C7: variants seen among roughly 807,000 people sequenced by gnomAD.
C7 encodes the protein complement component C7.
Under a neutral mutation model 104.8 loss-of-function variants are expected in C7, and 83 were observed. That is an observed-to-expected ratio of 0.79 (90% CI 0.66 to 0.95). The LOEUF (loss-of-function observed/expected upper bound fraction) is 0.95, where lower values mean the gene tolerates loss of function less well. Among genes scored for constraint, C7 ranks in the 40% least tolerant of loss-of-function variants. The pLI, the probability that C7 is intolerant of heterozygous loss-of-function variation, is 0.00. For missense variants in C7, 1,070 were observed against 1,011.2 expected, an observed-to-expected ratio of 1.06 and a Z score of -0.79; for synonymous variants, 415 against 360.6, an observed-to-expected ratio of 1.15 and a Z score of -1.71.
chr5:40,945,584 C>T lies in C7; in HGVS notation c.738+216C>T, dbSNP rs147549997. ...AATATATTTATTTATACTGGCCAGGCACAGTGGTTCACGCCTATAATCCCA... is the reference window on the plus strand; with the variant it reads ...AATATATTTATTTATACTGGCCAGGTACAGTGGTTCACGCCTATAATCCCA... On this transcript the variant is annotated intron_variant, in intron 7 of 17. Coordinates refer to ENST00000313164, the MANE Select transcript of C7 (RefSeq NM_000587.4). Among the ~76,000 whole-genome samples, 47 of 152,148 alleles carry T rather than the reference C, an allele frequency of 3.1e-4. 1 individual carries two copies. The highest frequency in any genetic ancestry group is 1.0e-3 in the African/African-American group (43 of 41,526).
At chr5:40,911,519 G>A (rs1257170889) in intron 1 of C7, among the ~76,000 whole-genome samples, 1 of 152,200 alleles carries the variant, frequency 6.6e-6, no homozygotes, top group East Asian at 1.9e-4. Flanking sequence ...TGAGCTTGGG[G>A]CCTGTGAATC....
chr5:40,918,201 CA>C (rs1739358681), intron 1 of C7, among the ~76,000 whole-genome samples: 1 of 151,286 alleles, frequency 6.6e-6, no homozygotes. Flanking sequence ...ACAATAACTT[CA>C]AAAAAAATTA....
intron 1 of C7, among the ~76,000 whole-genome samples, chr5:40,923,917 AAC>A (rs1739496068): frequency 7.0e-6 from 1 of 142,724 alleles, no homozygotes; most frequent in African/African-American, 2.6e-5. Context: ...ATTACATTTC[AAC>A]ATGAGATTTG....
At chr5:40,916,218 G>C (rs1237723806) in intron 1 of C7, among the ~76,000 whole-genome samples, 1 of 152,120 alleles carries the variant, frequency 6.6e-6, no homozygotes, top group Non-Finnish European at 1.5e-5. Flanking sequence ...ATGCACATTT[G>C]ATTTTTCAAA....
chr5:40,982,577 A>G lies in C7; in HGVS notation c.*1004A>G, dbSNP rs1740974034. On this transcript the variant is annotated 3_prime_UTR_variant, in exon 18 of 18. Coordinates refer to ENST00000313164, the MANE Select transcript of C7 (RefSeq NM_000587.4). ...CTCTTTGGGGTTTTAGTATGTGTCA[A>G]ACATAGGACTGGAAGTTTGCCCCTG... is the stretch of plus-strand genomic sequence containing the variant. The G allele has an allele frequency of 6.6e-6, 1 of 152,366 alleles. No homozygotes were observed. The highest frequency in any genetic ancestry group is 1.5e-5 in the Non-Finnish European group (1 of 68,046). 9.4% of individuals were successfully genotyped at this position (152,366 alleles called of 1,614,324 possible).
intron 1 of C7, among the ~76,000 whole-genome samples, chr5:40,919,763 C>A (rs956235929): frequency 6.6e-6 from 1 of 151,552 alleles, no homozygotes; most frequent in African/African-American, 2.4e-5. Flanking sequence ...CTTTAGATAA[C>A]AAGATAAAAA....
rs1287692310 is a variant in C7, at chr5:40,982,972, AAGATTTTCAT to A, written c.*1400_*1409del. 2 of 152,334 alleles carry A rather than the reference AAGATTTTCAT, an allele frequency of 1.3e-5. No homozygotes were observed. Among genetic ancestry groups the A allele is most frequent in the Non-Finnish European group, 2.9e-5 (2 of 68,044 alleles). The allele number at this position is 152,334 out of a possible 1,614,324, so 9.4% of individuals were successfully genotyped here. ...ATTTGTATGATGTTTCATTTTAGAG[AAGATTTTCAT>A]GATGAATGGTTAATGTGTTCTTGCC... On this transcript the variant is annotated 3_prime_UTR_variant, in exon 18 of 18. Transcript: ENST00000313164.
chr5:40,972,563 T>C lies in C7; in HGVS notation c.2043T>C (p.Pro681=). Residue 681 remains proline (P), a synonymous_variant, in exon 15 of 18, where the codon CCT becomes CCC. Transcript: ENST00000313164. ...FLCGSSLKWS[P]EMKNARCVQK... Reference sequence around the variant, plus strand: ...GTGGCTCCAGCCTTAAGTGGAGTCCTGAGATGAAGAATGCCCGCTGTGTAC... The same window carrying C: ...GTGGCTCCAGCCTTAAGTGGAGTCCCGAGATGAAGAATGCCCGCTGTGTAC... 1 of 1,610,482 alleles carries C rather than the reference T, an allele frequency of 6.2e-7. No homozygotes were observed. The highest frequency in any genetic ancestry group is 8.5e-7 in the Non-Finnish European group (1 of 1,178,188).
intron 6 of C7, among the ~76,000 whole-genome samples, chr5:40,938,215 C>G (rs555026129): frequency 4.6e-5 from 7 of 152,120 alleles, no homozygotes; most frequent in Non-Finnish European, 1.0e-4. Flanking sequence ...GATCACATCC[C>G]TCTCACTCCT....
At chr5:40,924,465 A>G (rs1739509183) in intron 1 of C7, among the ~76,000 whole-genome samples, 1 of 152,288 alleles carries the variant, frequency 6.6e-6, no homozygotes, top group South Asian at 2.1e-4. Context: ...CTACTGGTGG[A>G]TCTGCCATTC....
intron 7 of C7, among the ~76,000 whole-genome samples, chr5:40,946,894 C>T (rs1195552907): frequency 6.6e-6 from 1 of 151,702 alleles, no homozygotes; most frequent in Non-Finnish European, 1.5e-5. Flanking sequence ...CCTACCTCTA[C>T]TAAAAATACA....
chr5:40,963,531 A>G (rs151235105), intron 13 of C7, among the ~76,000 whole-genome samples: 15 of 152,292 alleles, frequency 9.8e-5, no homozygotes, highest in African/African-American at 3.4e-4. Flanking sequence ...ATAGAGCCAG[A>G]GTGGGCCAGG....
At chr5:40,965,220 T>C (rs925815103) in intron 14 of C7, among the ~76,000 whole-genome samples, 1 of 152,216 alleles carries the variant, frequency 6.6e-6, no homozygotes, top group Non-Finnish European at 1.5e-5. Context: ...CTTTGCCTCC[T>C]GTTCTGTTTG....
At chr5:40,967,495 A>G (rs974404922) in intron 14 of C7, 3 of 152,488 alleles carry the variant, frequency 2.0e-5, no homozygotes, top group Admixed American at 1.3e-4. Flanking sequence ...CTTGGCTCCA[A>G]TCTTCACACC....
At chr5:40,979,688 A>T (rs2876849) in intron 16 of C7, 37 bp from the exon 17 acceptor site, 331,023 of 1,563,806 alleles carry the variant, frequency 0.21, 37,556 homozygotes, top group Middle Eastern at 0.31. Context: ...TTACGAACAA[A>T]AATCTTGTAA....
At chr5:40,954,995 C>G in intron 9 of C7, 1 of 224,910 alleles carries the variant, frequency 4.4e-6, no homozygotes, top group Non-Finnish European at 8.7e-6. Context: ...CAGAGAGTTC[C>G]TGTATATCCC....
chr5:40,918,098 A>G (rs528110781), intron 1 of C7, among the ~76,000 whole-genome samples: 3 of 152,330 alleles, frequency 2.0e-5, no homozygotes, highest in Admixed American at 6.5e-5. Flanking sequence ...AAAGAATACC[A>G]CTATTGAAAA....
Position 40,981,834 on chromosome 5 carries a change from C to A in C7, c.*261C>A, listed in dbSNP as rs531551587. 3 of 321,148 alleles carry A rather than the reference C, an allele frequency of 9.3e-6. No homozygotes were observed. The highest frequency in any genetic ancestry group is 6.3e-5 in the African/African-American group (3 of 47,412). The allele number at this position is 321,148 out of a possible 1,614,324, so 19.9% of individuals were successfully genotyped here. A position where few individuals can be genotyped will look rare whatever the true frequency, so the allele number is the denominator to read the frequency against. ...TGCGTGTTCTTGAAATAGGTGTTAC[C>A]TTCTCTGGGCCTTGGTTTTTTAAAA... On this transcript the variant is annotated 3_prime_UTR_variant, in exon 18 of 18. Coordinates refer to ENST00000313164, the MANE Select transcript of C7 (RefSeq NM_000587.4).
In C7 at chr5:40,937,035, G is replaced by A. The variant is rs550515737; in HGVS notation, c.429-517G>A. On this transcript the variant is annotated intron_variant, in intron 5 of 17. Coordinates refer to ENST00000313164, the MANE Select transcript of C7 (RefSeq NM_000587.4). The stretch of plus-strand genomic sequence containing the variant: ...TTTTAAGGGTCATATGACTTGTTAA[G>A]GTTTCAAGACCTAAAAATAACCTAT... Among the ~76,000 whole-genome samples the A allele has an allele frequency of 1.3e-4, 20 of 152,072 alleles. No homozygotes were observed. The East Asian group carries it at 3.7e-3, about 28-fold the overall frequency.
Sources: gnomAD v4.1 joint callset for allele counts (sites outside exome capture counted in the v4.1 genomes callset) on GRCh38, gnomAD v4.1.1 for gene constraint, MANE v1.5 for transcripts, NCBI Gene and HGNC (gene_info 2026-07-23, HGNC 2026-07-21) for gene names.